UNC13C: variants seen among roughly 807,000 people sequenced by gnomAD.
UNC13C encodes protein unc-13 homolog C.
A neutral mutation model predicts 245.4 loss-of-function variants in UNC13C; 174 were observed. The ratio of observed to expected loss-of-function variants is 0.71; its 90% CI spans 0.63 to 0.80. UNC13C has a LOEUF of 0.80. Among genes scored for constraint, UNC13C ranks in the 30% least tolerant of loss-of-function variants. The pLI is 0.00. For missense variants in UNC13C, 2,829 were observed against 2,602.9 expected (o/e 1.09, Z -1.89); for synonymous variants, 992 against 895.1 (o/e 1.11, Z -1.93).
chr15:54,489,931 T>C lies in UNC13C; in HGVS notation c.4934-4677T>C, dbSNP rs1199936971. On this transcript the variant is annotated intron_variant, in intron 19 of 32. Transcript: ENST00000260323. ...AACTCAATATATTGAAAATCTTTTA[T>C]TATATCAGCTGAAGTGCATAATGCA... is the stretch of plus-strand genomic sequence containing the variant. Among the ~76,000 whole-genome samples the C allele has an allele frequency of 3.3e-5, 5 of 152,340 alleles. No homozygotes were observed. The East Asian group carries it at 9.6e-4, about 29-fold the overall frequency.
intron 19 of UNC13C, among the ~76,000 whole-genome samples, chr15:54,429,422 T>C (rs1046449853): frequency 1.3e-5 from 2 of 151,748 alleles, no homozygotes; most frequent in Non-Finnish European, 3.0e-5. Flanking sequence ...GTTATCACAT[T>C]ATCCATAATT....
intron 28 of UNC13C, among the ~76,000 whole-genome samples, chr15:54,551,756 CT>C (rs1222465206): frequency 6.6e-6 from 1 of 151,804 alleles, no homozygotes; most frequent in Non-Finnish European, 1.5e-5. Flanking sequence ...CCATTATTGG[CT>C]TTTGAGTTTT....
the UNC13C span, among the ~76,000 whole-genome samples, chr15:53,901,120 G>A: frequency 7.3e-5 from 11 of 150,438 alleles, no homozygotes; most frequent in Non-Finnish European, 1.3e-4. Context: ...TATTATATTC[G>A]ATTAACATAA....
chr15:53,900,842 A>G, the UNC13C span, among the ~76,000 whole-genome samples: 4 of 152,196 alleles, frequency 2.6e-5, no homozygotes, highest in African/African-American at 4.8e-5. Flanking sequence ...TTGTTAATCA[A>G]TTGAGCTACA....
rs746269797 is a variant in UNC13C at position 54,013,448 on chromosome 15, G to A, written c.545G>A (p.Arg182Gln). 30 of 1,613,642 alleles carry A rather than the reference G, an allele frequency of 1.9e-5. No individual in the cohort carries two copies. Among genetic ancestry groups the A allele is most frequent in the South Asian group, 5.5e-5 (5 of 91,086 alleles). The change falls in exon 2 of 33, where the codon CGA (arginine) becomes CAA (glutamine). Residue 182 changes from arginine (R) to glutamine (Q), a missense_variant. Transcript: ENST00000260323. The stretch of plus-strand genomic sequence containing the variant: ...CATGGCTTAAAACTGGGAGCTTTAC[G>A]AAAACTGAGAAAATGGAAAAAGAGT... ...TLHGLKLGAL[R>Q]KLRKWKKSQE...
intron 27 of UNC13C, 141 bp downstream of exon 27, chr15:54,546,986 C>A: frequency 1.3e-6 from 1 of 775,572 alleles, no homozygotes; most frequent in Non-Finnish European, 2.0e-6. Flanking sequence ...AATGATCATT[C>A]AAATGATAGT....
At chr15:54,503,657 C>T (rs1894333482) in intron 22 of UNC13C, among the ~76,000 whole-genome samples, 1 of 152,004 alleles carries the variant, frequency 6.6e-6, no homozygotes, top group South Asian at 2.1e-4. Context: ...TGGTCCCAAA[C>T]TCATTATCAG....
chr15:54,168,105 G>T (rs1016466072), intron 4 of UNC13C, among the ~76,000 whole-genome samples: 12 of 152,194 alleles, frequency 7.9e-5, no homozygotes, highest in South Asian at 4.1e-4. Flanking sequence ...AATCTAGGTG[G>T]TGAGTATAGG....
intron 30 of UNC13C, among the ~76,000 whole-genome samples, chr15:54,579,031 T>TA (rs1430514064): frequency 6.6e-6 from 1 of 152,118 alleles, no homozygotes; most frequent in South Asian, 2.1e-4. Flanking sequence ...CAGCCTCCAG[T>TA]AAAAATCCAG....
chr15:54,354,070 C>T (rs1281056945), intron 17 of UNC13C, among the ~76,000 whole-genome samples: 1 of 152,106 alleles, frequency 6.6e-6, no homozygotes, highest in Non-Finnish European at 1.5e-5. Flanking sequence ...AGAGATGCAG[C>T]TTTGAAATCA....
chr15:54,195,501 G>A (rs2034323820), intron 4 of UNC13C, among the ~76,000 whole-genome samples: 1 of 152,126 alleles, frequency 6.6e-6, no homozygotes, highest in Non-Finnish European at 1.5e-5. Context: ...GGATAGCGAG[G>A]TGGTAGAGTA....
chr15:54,013,429 T>G lies in UNC13C; in HGVS notation c.526T>G (p.Leu176Val). The change falls in exon 2 of 33, where the codon TTA (leucine) becomes GTA (valine). Residue 176 changes from leucine to valine, a missense_variant. Leu to Val is a conservative substitution (Grantham distance 32). Coordinates refer to ENST00000260323, the MANE Select transcript of UNC13C (RefSeq NM_001080534.3). ...SSDGERTLHG[L>V]KLGALRKLRK... ...TGACGGGGAGCGTACTCTACATGGC[T>G]TAAAACTGGGAGCTTTACGAAAACT... is the stretch of plus-strand genomic sequence containing the variant. 6.2e-7 allele frequency: 1 copy of G among 1,613,824 alleles called. No homozygotes were observed. The highest frequency in any genetic ancestry group is 8.5e-7 in the Non-Finnish European group (1 of 1,179,864).
the UNC13C span, among the ~76,000 whole-genome samples, chr15:53,895,577 A>G: frequency 6.6e-6 from 1 of 152,190 alleles, no homozygotes; most frequent in Non-Finnish European, 1.5e-5. Context: ...TAAGCTGTAT[A>G]TCTAATTAGT....
intron 17 of UNC13C, among the ~76,000 whole-genome samples, chr15:54,348,053 AT>A (rs1716941616): frequency 6.6e-6 from 1 of 152,160 alleles, no homozygotes; most frequent in Non-Finnish European, 1.5e-5. Flanking sequence ...TTCTTCTATA[AT>A]TTTTAAAGCT....
At chr15:54,270,024 C>T (rs1225068628) in intron 10 of UNC13C, among the ~76,000 whole-genome samples, 2 of 152,058 alleles carry the variant, frequency 1.3e-5, no homozygotes. Flanking sequence ...TTTTTAAATG[C>T]CAACTTTTTT....
At chr15:54,610,804 C>T (rs542263308) in intron 30 of UNC13C, among the ~76,000 whole-genome samples, 25 of 152,262 alleles carry the variant, frequency 1.6e-4, no homozygotes, top group African/African-American at 6.0e-4. Flanking sequence ...CAGTATGGCC[C>T]AGAGACCATC....
At chr15:54,213,369 C>T (rs1378534125) in intron 4 of UNC13C, among the ~76,000 whole-genome samples, 1 of 151,660 alleles carries the variant, frequency 6.6e-6, no homozygotes, top group Non-Finnish European at 1.5e-5. Context: ...TATATAGTTC[C>T]TATTTTGGAA....
the UNC13C span, among the ~76,000 whole-genome samples, chr15:53,933,893 C>T: frequency 2.0e-5 from 3 of 152,176 alleles, no homozygotes; most frequent in Non-Finnish European, 4.4e-5. Context: ...ATTGCTATAA[C>T]AAAATACCTG....
the UNC13C span, among the ~76,000 whole-genome samples, chr15:53,932,520 C>T: frequency 6.6e-6 from 1 of 152,094 alleles, no homozygotes; most frequent in African/African-American, 2.4e-5. Flanking sequence ...AGAAAATGAA[C>T]AAGGGAATGC....
Sources: gnomAD v4.1 joint callset for allele counts (sites outside exome capture counted in the v4.1 genomes callset) on GRCh38, gnomAD v4.1.1 for gene constraint, MANE v1.5 for transcripts, NCBI Gene and HGNC (gene_info 2026-07-23, HGNC 2026-07-21) for gene names.